The following NXPH1 variants were observed in gnomAD, a reference collection of about 807,000 sequenced individuals.
NXPH1 encodes the protein neurexophilin 1.
NXPH1 carries 5 observed loss-of-function variants against 23.7 expected under a neutral mutation model. That is an observed-to-expected ratio of 0.21 (90% confidence interval 0.11 to 0.44). The LOEUF (loss-of-function observed/expected upper bound fraction) is 0.44, where lower values mean the gene tolerates loss of function less well. Among genes scored for constraint, NXPH1 ranks in the 20% least tolerant of loss-of-function variants. NXPH1 has a pLI of 0.99. For synonymous variants in NXPH1, 144 were observed against 122.2 expected, an observed-to-expected ratio of 1.18 and a Z score of -1.18; for missense variants, 324 against 321.6, an observed-to-expected ratio of 1.01 and a Z score of -0.06.
chr7:8,655,429 T>A (rs1393054756), intron 2 of NXPH1, among the ~76,000 whole-genome samples: 42 of 51,256 alleles, frequency 8.2e-4, no homozygotes, highest in East Asian at 0.011. Context: ...TCTCTCTCTC[T>A]CTCTCTCTCT....
chr7:8,571,068 AATCTAATCT>A (rs886777751), intron 2 of NXPH1, among the ~76,000 whole-genome samples: 6 of 137,180 alleles, frequency 4.4e-5, no homozygotes, highest in African/African-American at 1.2e-4. Context: ...AATCTAATCT[AATCTAATCT>A]AACTCTGGTT....
In NXPH1 at chr7:8,751,782, G is replaced by A. The variant is rs932773129; in HGVS notation, c.*13G>A. Reference sequence around the variant, plus strand: ...TCCCTCGGGATGAAGGTGAACATGGGGGTGAGACTGAAGCCTGAGGAATTA... The same window carrying A: ...TCCCTCGGGATGAAGGTGAACATGGAGGTGAGACTGAAGCCTGAGGAATTA... On this transcript the variant is annotated 3_prime_UTR_variant, in exon 3 of 3. Transcript: ENST00000405863. The surrounding 1 kb of genome is among the most constrained non-coding windows in gnomAD (Gnocchi z 4.5). The A allele has an allele frequency of 1.3e-6, 2 of 1,597,242 alleles. No individual in the cohort carries two copies. The highest frequency in any genetic ancestry group is 1.7e-6 in the Non-Finnish European group (2 of 1,172,600).
chr7:8,717,995 G>A (rs1165870954), intron 2 of NXPH1, among the ~76,000 whole-genome samples: 7 of 151,514 alleles, frequency 4.6e-5, no homozygotes. Flanking sequence ...TGATGACTCA[G>A]GATGTAAAAT....
chr7:8,592,287 G>A (rs1360471606), intron 2 of NXPH1, among the ~76,000 whole-genome samples: 2 of 151,964 alleles, frequency 1.3e-5, no homozygotes, highest in African/African-American at 4.8e-5. Context: ...GTCACCATCT[G>A]TTCAAATGTC....
chr7:8,623,550 TAACA>T (rs1305034910), intron 2 of NXPH1, among the ~76,000 whole-genome samples: 19 of 152,020 alleles, frequency 1.2e-4, no homozygotes, highest in Middle Eastern at 3.4e-3. Flanking sequence ...GAATCATAGT[TAACA>T]AACAAAAAAC....
At chr7:8,467,702 A>C (rs1563318990) in intron 2 of NXPH1, among the ~76,000 whole-genome samples, 1 of 152,186 alleles carries the variant, frequency 6.6e-6, no homozygotes, top group Non-Finnish European at 1.5e-5. Flanking sequence ...GTTCAGGGGA[A>C]TCAGGTTGAA....
intron 2 of NXPH1, among the ~76,000 whole-genome samples, chr7:8,589,035 C>A (rs889792646): frequency 6.6e-6 from 1 of 152,104 alleles, no homozygotes; most frequent in African/African-American, 2.4e-5. Context: ...ATGTTATTAT[C>A]AGTGGAGGAA....
At chr7:8,691,219 A>G (rs541843160) in intron 2 of NXPH1, among the ~76,000 whole-genome samples, 1 of 152,154 alleles carries the variant, frequency 6.6e-6, no homozygotes, top group East Asian at 1.9e-4. Context: ...GATCTCAGTC[A>G]CCATGACCTC....
chr7:8,480,213 T>C (rs963053824), intron 2 of NXPH1, among the ~76,000 whole-genome samples: 2 of 152,104 alleles, frequency 1.3e-5, no homozygotes, highest in African/African-American at 2.4e-5. Flanking sequence ...AAACTATACA[T>C]ATATTTTCTG....
At chr7:8,573,578 A>G (rs577747321) in intron 2 of NXPH1, among the ~76,000 whole-genome samples, 2 of 152,284 alleles carry the variant, frequency 1.3e-5, no homozygotes, top group East Asian at 1.9e-4. Context: ...ATAGGTACAA[A>G]CAGCCTGAAA....
chr7:8,728,507 T>C (rs1218628803), intron 2 of NXPH1, among the ~76,000 whole-genome samples: 1 of 152,184 alleles, frequency 6.6e-6, no homozygotes, highest in Non-Finnish European at 1.5e-5. Flanking sequence ...TTTTGAAATA[T>C]GTCCCATCCA....
intron 2 of NXPH1, among the ~76,000 whole-genome samples, chr7:8,516,232 C>A (rs1281621492): frequency 6.6e-6 from 1 of 152,070 alleles, no homozygotes; most frequent in South Asian, 2.1e-4. Flanking sequence ...GGATCGTCTA[C>A]TATATCTCTT....
At chr7:8,626,449 T>C (rs952656510) in intron 2 of NXPH1, among the ~76,000 whole-genome samples, 1 of 151,452 alleles carries the variant, frequency 6.6e-6, no homozygotes, top group African/African-American at 2.4e-5. Context: ...CTGCTGAGGG[T>C]AGCTTGCCAC....
intron 2 of NXPH1, among the ~76,000 whole-genome samples, chr7:8,478,004 TC>T (rs200162252): frequency 0.011 from 1,620 of 152,204 alleles, 28 homozygotes; most frequent in African/African-American, 0.037. Context: ...ATAATTTGAT[TC>T]CCATTGCTAC....
At chr7:8,739,204 A>AC (rs1562471028) in intron 2 of NXPH1, among the ~76,000 whole-genome samples, 1 of 123,692 alleles carries the variant, frequency 8.1e-6, no homozygotes, top group African/African-American at 3.0e-5. Flanking sequence ...AAAAAAAAAA[A>AC]CCCTGCAGCT....
intron 2 of NXPH1, among the ~76,000 whole-genome samples, chr7:8,612,281 T>C (rs1819639063): frequency 6.6e-6 from 1 of 151,746 alleles, no homozygotes; most frequent in African/African-American, 2.4e-5. Flanking sequence ...TCCATTTTTT[T>C]TTCTTTTTCT....
At chr7:8,525,545 G>T (rs188229453) in intron 2 of NXPH1, among the ~76,000 whole-genome samples, 1 of 152,092 alleles carries the variant, frequency 6.6e-6, no homozygotes, top group Non-Finnish European at 1.5e-5. Context: ...ACTTCACCGC[G>T]GTCCCCTCCC....
intron 2 of NXPH1, among the ~76,000 whole-genome samples, chr7:8,627,878 G>A (rs1820027587): frequency 6.6e-6 from 1 of 152,050 alleles, no homozygotes; most frequent in Admixed American, 6.6e-5. Context: ...TGGTTCTCTA[G>A]AGAATATAAA....
chr7:8,618,094 C>T (rs998296602), intron 2 of NXPH1, among the ~76,000 whole-genome samples: 7 of 152,010 alleles, frequency 4.6e-5, no homozygotes, highest in East Asian at 3.9e-4. Context: ...TGTCACTCGC[C>T]GCAGGGTTCT....
Sources: gnomAD v4.1 joint callset for allele counts (sites outside exome capture counted in the v4.1 genomes callset) on GRCh38, gnomAD v4.1.1 for gene constraint, Gnocchi (gnomAD v3.1) non-coding constraint, MANE v1.5 for transcripts, NCBI Gene and HGNC (gene_info 2026-07-23, HGNC 2026-07-21) for gene names.